GABRB1: variants seen among roughly 807,000 people sequenced by gnomAD.
GABRB1 encodes gamma-aminobutyric acid receptor subunit beta-1.
Under a neutral mutation model 51.6 loss-of-function variants are expected in GABRB1, and 17 were observed. The observed-to-expected ratio is 0.33, with a 90% CI of 0.23 to 0.49. The LOEUF is 0.49. Ranked by LOEUF, GABRB1 falls within the 20% of genes least tolerant of loss-of-function variation. The probability of loss-of-function intolerance (pLI) is 0.99; values close to 1 mark genes in which losing one functional copy is unlikely to be tolerated. For missense variants in GABRB1, 410 were observed against 600.6 expected (o/e 0.68, Z 3.32); for synonymous variants, 247 against 218.9 (o/e 1.13, Z -1.14).
At chr4:47,244,565 G>A (rs923621694) in intron 4 of GABRB1, among the ~76,000 whole-genome samples, 3 of 152,142 alleles carry the variant, frequency 2.0e-5, no homozygotes, top group East Asian at 1.9e-4. Context: ...TTCAGAGCCT[G>A]CTATTGGTGT....
intron 3 of GABRB1, among the ~76,000 whole-genome samples, chr4:47,116,213 G>A (rs1002635650): frequency 6.6e-6 from 1 of 152,054 alleles, no homozygotes; most frequent in South Asian, 2.1e-4. Flanking sequence ...CATAAATAAG[G>A]TTTGATTTGT....
chr4:47,075,187 T>C (rs1167593529), intron 3 of GABRB1, among the ~76,000 whole-genome samples: 6 of 152,046 alleles, frequency 3.9e-5, no homozygotes, highest in Non-Finnish European at 7.4e-5. Context: ...AAGCATTGTG[T>C]GATTTTTTTT....
rs1016696108 is a variant in GABRB1 at position 47,005,889 on chromosome 4, T to C, written c.-20+11963T>C. 2.7e-5 allele frequency among the ~76,000 whole-genome samples: 4 copies of C among 149,482 alleles called. No homozygotes were observed. In the South Asian group the frequency reaches 8.7e-4, roughly 33 times the overall value. ...ACTTTCAGGATTTTAATCTTTGTCT[T>C]ATGAATACAAATGTCTTCTTTCCTC... is the stretch of plus-strand genomic sequence containing the variant. On this transcript the variant is annotated intron_variant, in intron 1 of 3. Coordinates refer to the GABRB1 transcript ENST00000513567.
intron 3 of GABRB1, among the ~76,000 whole-genome samples, chr4:47,100,684 A>G (rs922600624): frequency 6.6e-6 from 1 of 151,980 alleles, no homozygotes; most frequent in Non-Finnish European, 1.5e-5. Flanking sequence ...AAAGAAGGGG[A>G]ATAAATTTAA....
intron 4 of GABRB1, among the ~76,000 whole-genome samples, chr4:47,250,255 G>T (rs1278171841): frequency 2.0e-5 from 3 of 152,122 alleles, no homozygotes; most frequent in Non-Finnish European, 4.4e-5. Context: ...TAATTGTTTT[G>T]TTTGAGGAGG....
intron 3 of GABRB1, among the ~76,000 whole-genome samples, chr4:47,083,919 C>T (rs1727958056): frequency 6.6e-6 from 1 of 152,146 alleles, no homozygotes; most frequent in Admixed American, 6.6e-5. Context: ...CCCAGCTGCT[C>T]ATTCTGTCTC....
Position 47,010,443 on chromosome 4 carries a change from G to A in GABRB1, c.-20+16517G>A, listed in dbSNP as rs1057263855. Among the ~76,000 whole-genome samples, 12 of 152,170 alleles carry A rather than the reference G, an allele frequency of 7.9e-5. No individual in the cohort carries two copies. The South Asian group carries it at 1.0e-3, about 13-fold the overall frequency. ...AAAGATCACATCTAGTCAGTTAATG[G>A]TAGTTAGGTCTCCTGCCTCCTACTC... On this transcript the variant is annotated intron_variant, in intron 1 of 3. Transcript: ENST00000513567.
At position 47,395,883 on chromosome 4, in the gene GABRB1, A is replaced by G. The variant is rs77823942; in HGVS notation, c.545-7435A>G. Among the ~76,000 whole-genome samples the G allele has an allele frequency of 2.9e-3, 438 of 152,220 alleles. 2 individuals are homozygous for G. Among genetic ancestry groups the G allele is most frequent in the African/African-American group, 0.01 (433 of 41,530 alleles). On this transcript the variant is annotated intron_variant, in intron 5 of 8. Transcript: ENST00000295454. ...CCAGATTTTTCCCTCATATATTAGC[A>G]TGTTGCAACATTATTGTTCTGAACT... is the stretch of plus-strand genomic sequence containing the variant.
At chr4:47,183,908 C>T (rs1461240128) in intron 4 of GABRB1, among the ~76,000 whole-genome samples, 1 of 151,888 alleles carries the variant, frequency 6.6e-6, no homozygotes, top group Non-Finnish European at 1.5e-5. Flanking sequence ...ACTTGGACTA[C>T]TTGCTTTATT....
chr4:47,317,092 A>G (rs1578089481), intron 4 of GABRB1, among the ~76,000 whole-genome samples: 1 of 151,946 alleles, frequency 6.6e-6, no homozygotes, highest in African/African-American at 2.4e-5. Flanking sequence ...CCTTGGCACC[A>G]TTGACATTTT....
intron 4 of GABRB1, among the ~76,000 whole-genome samples, chr4:47,205,278 G>A (rs964338630): frequency 6.6e-6 from 1 of 152,146 alleles, no homozygotes; most frequent in Admixed American, 6.6e-5. Context: ...AAGAGAAAAT[G>A]TAACAGAGAA....
At chr4:47,270,610 T>C (rs974800790) in intron 4 of GABRB1, among the ~76,000 whole-genome samples, 1 of 152,236 alleles carries the variant, frequency 6.6e-6, no homozygotes, top group Non-Finnish European at 1.5e-5. Context: ...GCTAGGATCA[T>C]GCCTTCTTGT....
intron 1 of GABRB1, among the ~76,000 whole-genome samples, chr4:47,013,879 T>G (rs1724658248): frequency 6.6e-6 from 1 of 152,202 alleles, no homozygotes; most frequent in Non-Finnish European, 1.5e-5. Context: ...AATAGAATTT[T>G]GCATTATGTA....
chr4:47,214,466 G>A (rs1720478411), intron 4 of GABRB1, among the ~76,000 whole-genome samples: 1 of 152,080 alleles, frequency 6.6e-6, no homozygotes, highest in African/African-American at 2.4e-5. Context: ...ATATAGGCAT[G>A]GGTATTGAGT....
At chr4:47,378,336 C>T (rs1009641737) in intron 5 of GABRB1, among the ~76,000 whole-genome samples, 66 of 152,304 alleles carry the variant, frequency 4.3e-4, no homozygotes, top group African/African-American at 1.5e-3. Context: ...CAGGGCCGGC[C>T]GGCCGCTCCA....
intron 5 of GABRB1, among the ~76,000 whole-genome samples, chr4:47,365,257 C>T (rs1726935682): frequency 6.6e-6 from 1 of 152,210 alleles, no homozygotes; most frequent in South Asian, 2.1e-4. Flanking sequence ...GAAGCTTCAG[C>T]AGTTTAGATA....
At chr4:47,308,197 G>A (rs545621493) in intron 4 of GABRB1, among the ~76,000 whole-genome samples, 7 of 151,974 alleles carry the variant, frequency 4.6e-5, no homozygotes, top group South Asian at 2.1e-4. Context: ...TCCTGATGCC[G>A]ATGAGGAAAA....
At chr4:47,148,862 G>A (rs957596960) in intron 3 of GABRB1, among the ~76,000 whole-genome samples, 3 of 151,940 alleles carry the variant, frequency 2.0e-5, no homozygotes, top group African/African-American at 7.2e-5. Context: ...GAATGTTAAT[G>A]ATTAATTGCC....
chr4:47,059,108 CA>C (rs1726741107), intron 3 of GABRB1, among the ~76,000 whole-genome samples: 1 of 152,102 alleles, frequency 6.6e-6, no homozygotes, highest in Non-Finnish European at 1.5e-5. Context: ...TCATGTGAGG[CA>C]AAATTGAGGA....
Sources: gnomAD v4.1 joint callset for allele counts (sites outside exome capture counted in the v4.1 genomes callset) on GRCh38, gnomAD v4.1.1 for gene constraint, MANE v1.5 for transcripts, NCBI Gene and HGNC (gene_info 2026-07-23, HGNC 2026-07-21) for gene names.